The following UBE4B variants were observed in gnomAD, a reference collection of about 807,000 sequenced individuals.
The protein encoded by UBE4B is ubiquitination factor E4B, also known as ubiquitin conjugation factor E4 B.
Under a neutral mutation model 148.1 loss-of-function variants are expected in UBE4B, and 27 were observed. That is an observed-to-expected ratio of 0.18 (90% CI 0.13 to 0.25). The LOEUF (loss-of-function observed/expected upper bound fraction) is 0.25, where lower values mean the gene tolerates loss of function less well. Among genes scored for constraint, UBE4B ranks in the 10% least tolerant of loss-of-function variants. The probability of loss-of-function intolerance (pLI) is 1.00; values close to 1 mark genes in which losing one functional copy is unlikely to be tolerated. For synonymous variants in UBE4B, 596 were observed against 619.3 expected (o/e 0.96, Z 0.56); for missense variants, 1,170 against 1,662.4 (o/e 0.70, Z 5.15).
Position 10,119,624 on chromosome 1 carries a change from C to T in UBE4B, c.1439+11C>T, listed in dbSNP as rs1388208218. On this transcript the variant is annotated intron_variant, in intron 9 of 27. Transcript: ENST00000343090. ...CCTAACACAGCCCAGGTATGAAGAC[C>T]CGTGACGTGCTTGACATTAGCAGGC... 1.9e-6 allele frequency: 3 copies of T among 1,610,012 alleles called. No homozygotes were observed. The highest frequency in any genetic ancestry group is 2.5e-6 in the Non-Finnish European group (3 of 1,177,096).
intron 1 of UBE4B, among the ~76,000 whole-genome samples, chr1:10,064,873 C>T (rs183414389): frequency 1.3e-5 from 2 of 152,028 alleles, no homozygotes; most frequent in Admixed American, 1.3e-4. Flanking sequence ...AAGCAATTCT[C>T]CTGCCTCAGC....
chr1:10,086,807 A>G (rs1167533177), intron 2 of UBE4B, among the ~76,000 whole-genome samples: 1 of 151,976 alleles, frequency 6.6e-6, no homozygotes, highest in Non-Finnish European at 1.5e-5. Flanking sequence ...CTCGTGCCTC[A>G]GCCTCCCAAG....
intron 7 of UBE4B, among the ~76,000 whole-genome samples, chr1:10,111,091 A>ACG (rs1645212261): frequency 7.3e-6 from 1 of 136,426 alleles, no homozygotes; most frequent in Non-Finnish European, 1.6e-5. Flanking sequence ...ACACACACAC[A>ACG]CAGTCTTTCC....
At chr1:10,108,696 A>G (rs1645163762) in intron 7 of UBE4B, among the ~76,000 whole-genome samples, 4 of 152,202 alleles carry the variant, frequency 2.6e-5, no homozygotes, top group African/African-American at 9.6e-5. Flanking sequence ...GAGACAGAGG[A>G]ATGTTGATGC....
chr1:10,145,362 C>T (rs1454714056), intron 18 of UBE4B: 4 of 162,974 alleles, frequency 2.5e-5, no homozygotes, highest in African/African-American at 9.6e-5. Flanking sequence ...CTTTGGGAGG[C>T]CTAGGCGGGC....
intron 17 of UBE4B, among the ~76,000 whole-genome samples, chr1:10,137,564 T>C (rs1368912782): frequency 3.9e-4 from 60 of 152,300 alleles, no homozygotes; most frequent in Non-Finnish European, 1.5e-5. Flanking sequence ...CCCTGGACTG[T>C]GAAAAAGTAA....
intron 25 of UBE4B, among the ~76,000 whole-genome samples, chr1:10,174,507 C>T (rs1646387016): frequency 1.3e-5 from 2 of 151,472 alleles, no homozygotes; most frequent in Non-Finnish European, 2.9e-5. Context: ...TTGAGACCAG[C>T]CTGGCTAACA....
chr1:10,093,830 G>C (rs1425760145), intron 2 of UBE4B, among the ~76,000 whole-genome samples: 1 of 151,998 alleles, frequency 6.6e-6, no homozygotes, highest in Non-Finnish European at 1.5e-5. Flanking sequence ...AAGTAGCTGG[G>C]ATTATAGGAG....
intron 1 of UBE4B, among the ~76,000 whole-genome samples, chr1:10,062,247 C>T (rs1481901356): frequency 6.6e-6 from 1 of 152,052 alleles, no homozygotes; most frequent in Non-Finnish European, 1.5e-5. Context: ...TCCTAATTTC[C>T]TTATCTCTTT....
At chr1:10,131,787 C>T (rs1198517153) in intron 14 of UBE4B, among the ~76,000 whole-genome samples, 1 of 151,982 alleles carries the variant, frequency 6.6e-6, no homozygotes, top group African/African-American at 2.4e-5. Context: ...CCCATCTCTA[C>T]TAAAATACAA....
intron 25 of UBE4B, among the ~76,000 whole-genome samples, chr1:10,173,126 C>T (rs925653000): frequency 6.6e-6 from 1 of 152,146 alleles, no homozygotes; most frequent in African/African-American, 2.4e-5. Flanking sequence ...GCAGTTTTAT[C>T]ATACAAAGTA....
intron 1 of UBE4B, among the ~76,000 whole-genome samples, chr1:10,071,768 G>T (rs1644489783): frequency 6.6e-6 from 1 of 152,062 alleles, no homozygotes; most frequent in African/African-American, 2.4e-5. Context: ...AGGCTCAAGC[G>T]ATTACCCCCA....
In UBE4B at chr1:10,123,338, G is replaced by A. The variant is rs374433845; in HGVS notation, c.1554+1262G>A. Among the ~76,000 whole-genome samples, 153 of 150,654 alleles carry A rather than the reference G, an allele frequency of 1.0e-3. 1 individual carries two copies. Among genetic ancestry groups the A allele is most frequent in the African/African-American group, 3.4e-3 (140 of 40,790 alleles). ...CCCAGCTACTTGGGAGGCTGAGGTA[G>A]GAGAATTGCTTGAACCAAGGAGACG... On this transcript the variant is annotated intron_variant, in intron 10 of 27. Coordinates refer to ENST00000343090, the MANE Select transcript of UBE4B (RefSeq NM_001105562.3).
chr1:10,147,108 T>G lies in UBE4B; in HGVS notation c.2591+18T>G. 1 of 1,614,054 alleles carries G rather than the reference T, an allele frequency of 6.2e-7. No individual in the cohort carries two copies. Among genetic ancestry groups the G allele is most frequent in the East Asian group, 2.2e-5 (1 of 44,882 alleles). ...TATCCCGAGTGAGTGTGCTTCTTCC[T>G]GTTTCCCTTGTCCCTCCTTGGCTGG... On this transcript the variant is annotated intron_variant, in intron 19 of 27. Transcript: ENST00000343090.
chr1:10,037,903 A>C (rs1038555094), intron 1 of UBE4B, among the ~76,000 whole-genome samples: 1 of 152,124 alleles, frequency 6.6e-6, no homozygotes, highest in Non-Finnish European at 1.5e-5. Flanking sequence ...GAGATTGCAT[A>C]AGTGATTTTT....
intron 2 of UBE4B, among the ~76,000 whole-genome samples, chr1:10,094,647 G>GC (rs1644901698): frequency 6.6e-6 from 1 of 151,702 alleles, no homozygotes; most frequent in South Asian, 2.1e-4. Context: ...TGTTAGCCAG[G>GC]ATGGTCTCAA....
intron 21 of UBE4B, among the ~76,000 whole-genome samples, chr1:10,154,237 A>T (rs1646029242): frequency 6.6e-6 from 1 of 152,014 alleles, no homozygotes; most frequent in African/African-American, 2.4e-5. Context: ...GCAAGACTTC[A>T]TCTCAAAAAC....
intron 1 of UBE4B, among the ~76,000 whole-genome samples, chr1:10,038,657 C>T (rs1027574263): frequency 8.5e-5 from 13 of 152,170 alleles, no homozygotes; most frequent in African/African-American, 3.1e-4. Flanking sequence ...CAACATCCTA[C>T]GTAACACTGA....
chr1:10,101,498 C>CT (rs34066776), intron 4 of UBE4B, among the ~76,000 whole-genome samples: 701 of 56,194 alleles, frequency 0.012, 106 homozygotes, highest in Non-Finnish European at 0.016. Flanking sequence ...TGGTCTTTTG[C>CT]TTTTTTTTTT....
Sources: gnomAD v4.1 joint callset for allele counts (sites outside exome capture counted in the v4.1 genomes callset) on GRCh38, gnomAD v4.1.1 for gene constraint, MANE v1.5 for transcripts, NCBI Gene and HGNC (gene_info 2026-07-23, HGNC 2026-07-21) for gene names.